The following CEACAM6 variants were observed in gnomAD, a reference collection of about 807,000 sequenced individuals.
CEACAM6 encodes the protein cell adhesion molecule CEACAM6.
Under a neutral mutation model 32.4 loss-of-function variants are expected in CEACAM6, and 21 were observed. The observed-to-expected ratio is 0.65, with a 90% CI of 0.46 to 0.93. CEACAM6 has a LOEUF of 0.93. CEACAM6 is among the 40% of genes least tolerant of loss of function. The probability of loss-of-function intolerance (pLI) is 0.00; values close to 1 mark genes in which losing one functional copy is unlikely to be tolerated. For missense variants in CEACAM6, 406 were observed against 432.2 expected (o/e 0.94, Z 0.54); for synonymous variants, 184 against 174.4 (o/e 1.06, Z -0.43).
chr19:41,766,390 T>C, intron 5 of CEACAM6, 91 bp downstream of exon 5: 3 of 571,492 alleles, frequency 5.2e-6, no homozygotes, highest in Non-Finnish European at 9.1e-6. Context: ...TATCTGGGAC[T>C]GGATCTCCTT....
At chr19:41,755,773 G>T in intron 1 of CEACAM6, 71 bp downstream of exon 1, 1 of 1,354,258 alleles carries the variant, frequency 7.4e-7, no homozygotes, top group South Asian at 1.3e-5. Flanking sequence ...TCCTGGGGAG[G>T]ACAAGGCTCT....
rs185204427 is a variant in CEACAM6, at chr19:41,763,246, T to G, written c.958+1023T>G. On this transcript the variant is annotated intron_variant, in intron 4 of 5. Transcript: ENST00000199764. The stretch of plus-strand genomic sequence containing the variant: ...CTCCCAAAATGAAACTCTGTTCCCA[T>G]CAAACTCCTGGGCAGAGCTGCCCAC... 2.6e-3 allele frequency among the ~76,000 whole-genome samples: 391 copies of G among 152,216 alleles called. 2 individuals are homozygous for G. The highest frequency in any genetic ancestry group is 8.9e-3 in the African/African-American group (369 of 41,524).
chr19:41,766,161 C>G, intron 4 of CEACAM6, 22 bp from the exon 5 acceptor site: 2 of 1,573,906 alleles, frequency 1.3e-6, no homozygotes, highest in Non-Finnish European at 1.7e-6. Flanking sequence ...CACCTTCATT[C>G]CTTCTCTCTT....
rs143709500 is a variant in CEACAM6, at chr19:41,761,449, G to A, written c.625G>A (p.Asp209Asn). The A allele has an allele frequency of 8.7e-4, 1,411 of 1,614,180 alleles. 2 individuals carry two copies. Among genetic ancestry groups the A allele is most frequent in the Non-Finnish European group, 9.0e-4 (1,063 of 1,180,040 alleles). ...CACTCTACTCAGCGTCAAAAGGAAC[G>A]ATGCAGGATCCTATGAATGTGAAAT... ...TLTLLSVKRN[D>N]AGSYECEIQN... The change falls in exon 3 of 6, where the codon GAT (aspartate) becomes AAT (asparagine). Residue 209 changes from aspartate (D) to asparagine (N), a missense_variant. By Grantham distance (23) the Asp-to-Asn change is conservative (BLOSUM62 1). Coordinates refer to ENST00000199764, the MANE Select transcript of CEACAM6 (RefSeq NM_002483.7).
chr19:41,762,194 G>A lies in CEACAM6; in HGVS notation c.929G>A (p.Arg310Lys). 6.2e-7 allele frequency: 1 copy of A among 1,614,058 alleles called. No individual in the cohort carries two copies. Among genetic ancestry groups the A allele is most frequent in the Non-Finnish European group, 8.5e-7 (1 of 1,180,012 alleles). Residue 310 changes from arginine (R) to lysine (K), a missense_variant, in exon 4 of 6, where the codon AGG (arginine) becomes AAG (lysine). Physicochemically the swap from Arg to Lys is conservative, Grantham distance 26. Transcript: ENST00000199764. Reference sequence around the variant, plus strand: ...CATAACTCAGCCACTGGCCTCAATAGGACCACAGTCACGATGATCACAGTC... The same window carrying A: ...CATAACTCAGCCACTGGCCTCAATAAGACCACAGTCACGATGATCACAGTC... ...QAHNSATGLN[R>K]TTVTMITVSG... is the part of the protein sequence containing the mutation.
chr19:41,759,494 G>A (rs907767079), intron 2 of CEACAM6, among the ~76,000 whole-genome samples: 11 of 152,090 alleles, frequency 7.2e-5, no homozygotes, highest in African/African-American at 2.7e-4. Flanking sequence ...CTTCCTTTAT[G>A]TAACTGACAC....
At chr19:41,757,022 G>T in intron 2 of CEACAM6, 63 bp downstream of exon 2, 1 of 1,554,730 alleles carries the variant, frequency 6.4e-7, no homozygotes. Flanking sequence ...ATACGGGATT[G>T]TCAGGCCTGG....
Position 41,761,974 on chromosome 19 carries a change from C to G in CEACAM6, c.709C>G (p.Pro237Ala). ...CTTTATTCTGTTTCCTCCAGATGGC[C>G]CAGATGTCCCCACCATTTCCCCCTC... ...DPVTLNVLYG[P>A]DVPTISPSKA... Residue 237 changes from proline to alanine, a missense_variant, in exon 4 of 6, where the codon CCA becomes GCA. By Grantham distance (27) the Pro-to-Ala change is conservative. Transcript: ENST00000199764. 1 of 1,613,540 alleles carries G rather than the reference C, an allele frequency of 6.2e-7. No homozygotes were observed. Among genetic ancestry groups the G allele is most frequent in the Non-Finnish European group, 8.5e-7 (1 of 1,179,538 alleles).
chr19:41,758,627 A>G (rs2072903898), intron 2 of CEACAM6, among the ~76,000 whole-genome samples: 1 of 151,998 alleles, frequency 6.6e-6, no homozygotes, highest in African/African-American at 2.4e-5. Flanking sequence ...AGGTCACTGT[A>G]TCCCCCACTG....
intron 2 of CEACAM6, among the ~76,000 whole-genome samples, chr19:41,760,972 G>C (rs1409678208): frequency 6.6e-6 from 1 of 152,216 alleles, no homozygotes; most frequent in African/African-American, 2.4e-5. Flanking sequence ...AGAAGCACAA[G>C]GGGCTGTGAC....
rs1220306489 is a variant in CEACAM6 at position 41,771,456 on chromosome 19, T to C, written c.*695T>C. 1.3e-5 allele frequency: 2 copies of C among 152,258 alleles called. No individual in the cohort carries two copies. The highest frequency in any genetic ancestry group is 4.8e-5 in the African/African-American group (2 of 41,472). 9.4% of individuals were successfully genotyped at this position (152,258 alleles called of 1,614,324 possible). A position where few individuals can be genotyped will look rare whatever the true frequency, so the allele number is the denominator to read the frequency against. ...AGTTTCTGACACTTGTTGTTGAACA[T>C]GGCTAAATACAATGGGTATCGCTGA... On this transcript the variant is annotated 3_prime_UTR_variant, in exon 6 of 6. Coordinates refer to ENST00000199764, the MANE Select transcript of CEACAM6 (RefSeq NM_002483.7).
intron 2 of CEACAM6, among the ~76,000 whole-genome samples, chr19:41,758,800 C>T (rs1568724861): frequency 6.6e-6 from 1 of 152,202 alleles, no homozygotes; most frequent in Non-Finnish European, 1.5e-5. Flanking sequence ...TCCCTTCCTG[C>T]TCACACTGTG....
rs2072954367 is a variant in CEACAM6, at chr19:41,766,169, CT to C, written c.959-12del. 6.3e-7 allele frequency: 1 copy of C among 1,590,786 alleles called. No individual in the cohort carries two copies. Among genetic ancestry groups the C allele is most frequent in the Admixed American group, 1.8e-5 (1 of 56,344 alleles). ...ATAACATCACCTTCATTCCTTCTCTCTTCTTCCCACAAGGAAGTGCTCCTGT... is the reference window on the plus strand; with the variant it reads ...ATAACATCACCTTCATTCCTTCTCTCTCTTCCCACAAGGAAGTGCTCCTGT... On this transcript the variant is annotated splice_polypyrimidine_tract_variant and intron_variant, in intron 4 of 5. Coordinates refer to ENST00000199764, the MANE Select transcript of CEACAM6 (RefSeq NM_002483.7).
rs192133884 is a variant in CEACAM6, at chr19:41,771,084, C to T, written c.*323C>T. On this transcript the variant is annotated 3_prime_UTR_variant, in exon 6 of 6. Transcript: ENST00000199764. ...CAAGACTCCTCATCATGATAAGGCTCTTACCCCCTTTTAATTTGTCCTTGC... is the reference window on the plus strand; with the variant it reads ...CAAGACTCCTCATCATGATAAGGCTTTTACCCCCTTTTAATTTGTCCTTGC... 9.8e-5 allele frequency: 15 copies of T among 152,336 alleles called. No individual in the cohort carries two copies. In the East Asian group the frequency reaches 2.9e-3, roughly 29 times the overall value. 9.4% of individuals were successfully genotyped at this position (152,336 alleles called of 1,614,324 possible).
chr19:41,758,373 A>C (rs76735331), intron 2 of CEACAM6, among the ~76,000 whole-genome samples: 4,161 of 152,286 alleles, frequency 0.027, 199 homozygotes, highest in African/African-American at 0.093. Context: ...AGGAAGAAGG[A>C]ATGAAAAAAG....
chr19:41,761,877 T>C, intron 3 of CEACAM6, 92 bp from the exon 4 acceptor site: 10 of 1,486,536 alleles, frequency 6.7e-6, no homozygotes, highest in Admixed American at 1.8e-5. Context: ...GGTTGTGACA[T>C]GGCTCAGGGG....
At chr19:41,757,759 T>C (rs1600495061) in intron 2 of CEACAM6, 2 of 152,244 alleles carry the variant, frequency 1.3e-5, no homozygotes, top group African/African-American at 4.8e-5. Context: ...AACTGTTCAC[T>C]TGGGCAGCTC....
intron 5 of CEACAM6, among the ~76,000 whole-genome samples, chr19:41,768,269 T>C (rs2072968323): frequency 6.6e-6 from 1 of 152,316 alleles, no homozygotes; most frequent in East Asian, 1.9e-4. Flanking sequence ...TTTGTGTCCC[T>C]GGGTACTTGA....
intron 5 of CEACAM6, among the ~76,000 whole-genome samples, chr19:41,768,432 A>G (rs1568728613): frequency 6.6e-6 from 1 of 152,242 alleles, no homozygotes. Context: ...TCACAGTTCA[A>G]CAGGATCCCA....
Sources: allele counts gnomAD v4.1 joint callset (sites outside exome capture counted in the v4.1 genomes callset), GRCh38; gene constraint gnomAD v4.1.1; transcripts MANE v1.5; gene names NCBI Gene and HGNC (gene_info 2026-07-23, HGNC 2026-07-21).